Variants in DCDC2C observed in about 807,000 individuals in gnomAD.
DCDC2C encodes doublecortin domain containing 2C.
A neutral mutation model predicts 45.0 loss-of-function variants in DCDC2C; 44 were observed. That is an observed-to-expected ratio of 0.98 (90% CI 0.77 to 1.26). DCDC2C has a LOEUF of 1.26. DCDC2C is among the 50% of genes most tolerant of loss of function. The pLI is 0.00. For synonymous variants in DCDC2C, 187 were observed against 178.8 expected (o/e 1.05, Z -0.37); for missense variants, 447 against 468.9 (o/e 0.95, Z 0.43).
At chr2:3,705,479 T>C (rs906574973) in intron 1 of DCDC2C, among the ~76,000 whole-genome samples, 8 of 152,240 alleles carry the variant, frequency 5.3e-5, no homozygotes, top group Admixed American at 3.3e-4. Context: ...TGATTTACAA[T>C]TAAAGAATAT....
intron 4 of DCDC2C, among the ~76,000 whole-genome samples, chr2:3,748,838 CT>C (rs1251932645): frequency 2.6e-5 from 4 of 152,132 alleles, no homozygotes; most frequent in African/African-American, 9.7e-5. Context: ...GGGACCCTGT[CT>C]GATAAATCTC....
chr2:3,762,681 A>T (rs1669912248), intron 6 of DCDC2C, among the ~76,000 whole-genome samples: 1 of 152,014 alleles, frequency 6.6e-6, no homozygotes, highest in African/African-American at 2.4e-5. Context: ...TCAGAGGTCC[A>T]CCCCCATGAC....
chr2:3,804,620 T>A (rs764438042), intron 10 of DCDC2C, among the ~76,000 whole-genome samples: 1 of 152,266 alleles, frequency 6.6e-6, no homozygotes, highest in Non-Finnish European at 1.5e-5. Context: ...AGCATTTTGA[T>A]TTAAAAAGAT....
chr2:3,740,646 A>C (rs185331517), intron 3 of DCDC2C, among the ~76,000 whole-genome samples: 6 of 151,892 alleles, frequency 4.0e-5, no homozygotes, highest in Non-Finnish European at 8.8e-5. Flanking sequence ...GTAATAGCAC[A>C]TGGATAAATT....
At chr2:3,709,197 T>G (rs1668143373) in intron 2 of DCDC2C, among the ~76,000 whole-genome samples, 1 of 152,244 alleles carries the variant, frequency 6.6e-6, no homozygotes. Flanking sequence ...CGGACTTATT[T>G]TGTGGATTAT....
At chr2:3,707,037 A>T (rs937483981) in intron 1 of DCDC2C, among the ~76,000 whole-genome samples, 1 of 152,142 alleles carries the variant, frequency 6.6e-6, no homozygotes, top group Non-Finnish European at 1.5e-5. Flanking sequence ...GTTCTCTGGA[A>T]GTAGCCGGGA....
At chr2:3,824,561 T>G (rs1671771766) in intron 10 of DCDC2C, among the ~76,000 whole-genome samples, 1 of 152,188 alleles carries the variant, frequency 6.6e-6, no homozygotes, top group East Asian at 1.9e-4. Flanking sequence ...GAGAGGAGTT[T>G]AGTTGAGGTT....
intron 2 of DCDC2C, among the ~76,000 whole-genome samples, chr2:3,725,511 C>A (rs62106607): frequency 0.06 from 410 of 6,868 alleles, 31 homozygotes; most frequent in African/African-American, 0.075. Context: ...GGAGGCTGCC[C>A]GGTGGATCCC....
intron 2 of DCDC2C, among the ~76,000 whole-genome samples, chr2:3,725,246 G>A (rs572545180): frequency 4.8e-4 from 73 of 152,254 alleles, no homozygotes; most frequent in African/African-American, 1.7e-3. Flanking sequence ...GCTTCCCAGC[G>A]CTGGGCCTTG....
chr2:3,748,654 T>C (rs1326444142), intron 4 of DCDC2C, among the ~76,000 whole-genome samples: 2 of 152,078 alleles, frequency 1.3e-5, no homozygotes, highest in African/African-American at 4.8e-5. Flanking sequence ...ATCTGAGTGT[T>C]GTGGATGGTA....
At chr2:3,831,903 C>T (rs555264994) in intron 10 of DCDC2C, among the ~76,000 whole-genome samples, 18 of 152,322 alleles carry the variant, frequency 1.2e-4, no homozygotes, top group Admixed American at 4.6e-4. Flanking sequence ...GAAAACCATG[C>T]GCGAATGGAA....
At chr2:3,779,038 A>G (rs1397172327) in intron 9 of DCDC2C, among the ~76,000 whole-genome samples, 154 bp downstream of exon 9, 2 of 152,228 alleles carry the variant, frequency 1.3e-5, no homozygotes, top group East Asian at 3.8e-4. Context: ...TTTCGCAGGC[A>G]GCCGTGGACA....
chr2:3,749,110 G>A (rs1170662270), intron 4 of DCDC2C, among the ~76,000 whole-genome samples: 3 of 152,118 alleles, frequency 2.0e-5, no homozygotes, highest in Non-Finnish European at 4.4e-5. Flanking sequence ...ATTGGTAAAG[G>A]ATTTAGTTTA....
chr2:3,755,525 G>A (rs1669682723), intron 6 of DCDC2C, among the ~76,000 whole-genome samples: 2 of 149,554 alleles, frequency 1.3e-5, no homozygotes, highest in Admixed American at 6.8e-5. Context: ...ACATGCATGT[G>A]CGTATGTATG....
chr2:3,826,252 C>T (rs1671812471), intron 10 of DCDC2C, among the ~76,000 whole-genome samples: 1 of 152,126 alleles, frequency 6.6e-6, no homozygotes, highest in Non-Finnish European at 1.5e-5. Context: ...CCATTAAAAA[C>T]CCCATAATAA....
chr2:3,752,949 C>A (rs1400864973), intron 5 of DCDC2C, 49 bp downstream of exon 5: 3 of 1,533,472 alleles, frequency 2.0e-6, no homozygotes, highest in Admixed American at 4.1e-5. Context: ...AAAAAATTAG[C>A]CTTTTCCCCA....
rs752819998 is a variant in DCDC2C at position 3,738,539 on chromosome 2, G to GAAAAAAAA, written c.417-3381_417-3380insAAAAAAAA. Among the ~76,000 whole-genome samples the GAAAAAAAA allele has an allele frequency of 1.1e-4, 6 of 55,256 alleles. 3 individuals carry two copies. Among genetic ancestry groups the GAAAAAAAA allele is most frequent in the African/African-American group, 2.9e-4 (4 of 14,008 alleles). 36.3% of individuals were successfully genotyped at this position (55,256 alleles called of 152,430 possible). A position where few individuals can be genotyped will look rare whatever the true frequency, so the allele number is the denominator to read the frequency against. ...TACATTTTTTCTGCTGGTCTATCTG[G>GAAAAAAAA]GAAAAAAAAAAAAAAAAAAAAAAAA... On this transcript the variant is annotated intron_variant, in intron 3 of 10. Coordinates refer to ENST00000399143, the MANE Select transcript of DCDC2C (RefSeq NM_001287444.2).
rs1020380863 is a variant in DCDC2C, at chr2:3,755,465, A to G, written c.726+831A>G. 1.2e-3 allele frequency among the ~76,000 whole-genome samples: 12 copies of G among 9,644 alleles called. No individual in the cohort carries two copies. In the South Asian group the frequency reaches 0.12, roughly 100 times the overall value. The allele number at this position is 9,644 out of a possible 152,430, so 6.3% of individuals were successfully genotyped here. A position where few individuals can be genotyped will look rare whatever the true frequency, so the allele number is the denominator to read the frequency against. On this transcript the variant is annotated intron_variant, in intron 6 of 10. Coordinates refer to ENST00000399143, the MANE Select transcript of DCDC2C (RefSeq NM_001287444.2). ...TGTATGTATGAATGCATGTGTGTGT[A>G]TGGAGACATGTGTGCATGTGTACAC... is the stretch of plus-strand genomic sequence containing the variant.
chr2:3,733,559 A>G (rs933623343), intron 3 of DCDC2C, among the ~76,000 whole-genome samples: 4 of 152,132 alleles, frequency 2.6e-5, no homozygotes, highest in African/African-American at 9.7e-5. Context: ...TTTTGCCCAC[A>G]GTTCTGGAGG....
Sources: allele counts gnomAD v4.1 joint callset (sites outside exome capture counted in the v4.1 genomes callset), GRCh38; gene constraint gnomAD v4.1.1; transcripts MANE v1.5; gene names NCBI Gene and HGNC (gene_info 2026-07-23, HGNC 2026-07-21).